The following NIPBL variants were observed in gnomAD, a reference collection of about 807,000 sequenced individuals.
The protein encoded by NIPBL is nipped-B-like protein.
NIPBL carries 19 observed loss-of-function variants against 321.8 expected under a neutral mutation model. The ratio of observed to expected loss-of-function variants is 0.06; its 90% CI spans 0.04 to 0.09. NIPBL has a LOEUF of 0.09. Among genes scored for constraint, NIPBL ranks in the 10% least tolerant of loss-of-function variants. NIPBL has a pLI of 1.00. For synonymous variants in NIPBL, 1,106 were observed against 1,114.1 expected (o/e 0.99, Z 0.14); for missense variants, 2,210 against 3,327.0 (o/e 0.66, Z 8.26).
At position 36,883,867 on chromosome 5, in the gene NIPBL, T is replaced by C. The variant is rs374457418; in HGVS notation, c.-80+6689T>C. ...AGTTGAAGTTTTACATGGTTTTAAG[T>C]TGGGCATAACTCCATTTATTATTTA... On this transcript the variant is annotated intron_variant, in intron 1 of 46. Transcript: ENST00000282516. Among the ~76,000 whole-genome samples the C allele has an allele frequency of 5.3e-5, 8 of 151,870 alleles. No homozygotes were observed. The East Asian group carries it at 7.7e-4, about 15-fold the overall frequency.
At chr5:36,972,574 C>A (rs1742980830) in intron 8 of NIPBL, among the ~76,000 whole-genome samples, 1 of 152,092 alleles carries the variant, frequency 6.6e-6, no homozygotes, top group Non-Finnish European at 1.5e-5. Context: ...GCATAAGACT[C>A]CTAAATCAAT....
At chr5:37,046,892 GT>G (rs1050986885) in intron 38 of NIPBL, among the ~76,000 whole-genome samples, 1 of 151,556 alleles carries the variant, frequency 6.6e-6, no homozygotes, top group African/African-American at 2.4e-5. Flanking sequence ...TTTTGTTGTT[GT>G]TTTTTTTGGT....
At position 36,985,873 on chromosome 5, in the gene NIPBL, G is replaced by T. The variant is rs1477006880; in HGVS notation, c.2693G>T (p.Gly898Val). The part of the protein sequence containing the change: ...SRPDSPRVKQ[G>V]DSNKSRSDKL... Reference sequence around the variant, plus strand: ...CCTGACAGTCCTCGTGTTAAACAAGGAGATTCTAATAAATCAAGATCTGAT... The same window carrying T: ...CCTGACAGTCCTCGTGTTAAACAAGTAGATTCTAATAAATCAAGATCTGAT... The change falls in exon 10 of 47, where the codon GGA becomes GTA. Residue 898 changes from glycine (G) to valine (V), a missense_variant. Gly to Val is a moderately radical substitution (Grantham distance 109, BLOSUM62 -3). Around this residue, in one of 14 missense-constraint regions of NIPBL, gnomAD observed 588 missense variants for 564.1 expected, o/e 1.04. Coordinates refer to ENST00000282516, the MANE Select transcript of NIPBL (RefSeq NM_133433.4). 6.2e-7 allele frequency: 1 copy of T among 1,613,890 alleles called. No homozygotes were observed. Among genetic ancestry groups the T allele is most frequent in the Admixed American group, 1.7e-5 (1 of 59,888 alleles).
chr5:37,044,852 GT>G, intron 36 of NIPBL, 123 bp downstream of exon 36: 7 of 722,452 alleles, frequency 9.7e-6, no homozygotes, highest in Non-Finnish European at 1.7e-5. Context: ...ATCCACCGTG[GT>G]CCTCTCAGAA....
intron 21 of NIPBL, among the ~76,000 whole-genome samples, chr5:37,014,482 A>C (rs1028408882): frequency 6.6e-6 from 1 of 152,050 alleles, no homozygotes; most frequent in African/African-American, 2.4e-5. Flanking sequence ...ATAACACTCT[A>C]TCTGTATTTT....
chr5:36,971,009 A>G lies in NIPBL; in HGVS notation c.744A>G (p.Leu248=). Residue 248 remains leucine, a synonymous_variant, in exon 7 of 47, where the codon CTA becomes CTG. Coordinates refer to ENST00000282516, the MANE Select transcript of NIPBL (RefSeq NM_133433.4). ...NPRHGSSEDY[L]HMVHRLSSDD... ...GACATGGTTCAAGTGAGGACTACCT[A>G]CACATGGTGCACAGGCTAAGTAGTG... The G allele has an allele frequency of 6.2e-7, 1 of 1,613,512 alleles. No homozygotes were observed. The highest frequency in any genetic ancestry group is 8.5e-7 in the Non-Finnish European group (1 of 1,179,444).
At chr5:37,046,264 G>A (rs775160677) in intron 38 of NIPBL, 65 bp downstream of exon 38, 51 of 897,616 alleles carry the variant, frequency 5.7e-5, no homozygotes, top group Non-Finnish European at 9.0e-5. Flanking sequence ...TTTAAATATT[G>A]TGAATCTAAA....
At chr5:37,004,941 A>G (rs1193516659) in intron 16 of NIPBL, among the ~76,000 whole-genome samples, 1 of 152,214 alleles carries the variant, frequency 6.6e-6, no homozygotes, top group African/African-American at 2.4e-5. Context: ...CAAAAGCCAC[A>G]GGATTGCTAG....
In NIPBL at chr5:37,020,572, G is replaced by C; in HGVS notation, c.5124G>C (p.Lys1708Asn). ...CATCTGAAGGAACACATCATGCAAAGGAAATTGAGACAACTGGCCAAATTA... is the reference window on the plus strand; with the variant it reads ...CATCTGAAGGAACACATCATGCAAACGAAATTGAGACAACTGGCCAAATTA... ...EESSEGTHHA[K>N]EIETTGQIMH... The change falls in exon 26 of 47, where the codon AAG becomes AAC. Residue 1708 changes from lysine to asparagine, a missense_variant. Physicochemically the swap from Lys to Asn is moderately conservative, Grantham distance 94. Around this residue, in one of 14 missense-constraint regions of NIPBL, gnomAD observed 138 missense variants for 175.8 expected, o/e 0.79. Coordinates refer to ENST00000282516, the MANE Select transcript of NIPBL (RefSeq NM_133433.4). The C allele has an allele frequency of 6.2e-7, 1 of 1,614,038 alleles. No individual in the cohort carries two copies. The highest frequency in any genetic ancestry group is 8.5e-7 in the Non-Finnish European group (1 of 1,179,962).
At chr5:37,018,507 C>T (rs1210445936) in intron 24 of NIPBL, among the ~76,000 whole-genome samples, 1 of 152,152 alleles carries the variant, frequency 6.6e-6, no homozygotes, top group Non-Finnish European at 1.5e-5. Flanking sequence ...ACCTTCCCTA[C>T]CCCTGCCCTG....
At chr5:36,929,564 A>G (rs1378992177) in intron 1 of NIPBL, among the ~76,000 whole-genome samples, 1 of 152,020 alleles carries the variant, frequency 6.6e-6, no homozygotes, top group Non-Finnish European at 1.5e-5. Flanking sequence ...AACTTTAATG[A>G]AATCCAGTTT....
intron 3 of NIPBL, 138 bp downstream of exon 3, chr5:36,955,775 A>G (rs1160729098): frequency 1.5e-6 from 1 of 682,444 alleles, no homozygotes; most frequent in Non-Finnish European, 2.6e-6. Flanking sequence ...GAGGGAGAAT[A>G]TAGTCTTATT....
Position 37,024,725 on chromosome 5 carries a change from GT to G in NIPBL, c.5709+8del. On this transcript the variant is annotated splice_region_variant and intron_variant, in intron 30 of 46. Transcript: ENST00000282516. ...ATGATGAAGAGGGCATTAAGGTAGTGTTGACTGTTTTAAATTTATTTTTCAT... is the reference window on the plus strand; with the variant it reads ...ATGATGAAGAGGGCATTAAGGTAGTGTGACTGTTTTAAATTTATTTTTCAT... 2 of 1,605,716 alleles carry G rather than the reference GT, an allele frequency of 1.2e-6. No homozygotes were observed. The highest frequency in any genetic ancestry group is 1.7e-6 in the Non-Finnish European group (2 of 1,175,282).
At chr5:37,016,253 CT>C in intron 23 of NIPBL, 83 bp downstream of exon 23, 1 of 1,370,902 alleles carries the variant, frequency 7.3e-7, no homozygotes, top group Non-Finnish European at 1.0e-6. Context: ...ATGATGAATT[CT>C]TTAAAAATGT....
chr5:37,019,030 G>A (rs1749321305), intron 24 of NIPBL, among the ~76,000 whole-genome samples: 1 of 152,104 alleles, frequency 6.6e-6, no homozygotes, highest in African/African-American at 2.4e-5. Flanking sequence ...TTGAACCCAG[G>A]AGGCAAAGAT....
At chr5:37,016,232 C>CT in intron 23 of NIPBL, 62 bp downstream of exon 23, 2 of 1,494,994 alleles carry the variant, frequency 1.3e-6, no homozygotes, top group South Asian at 2.3e-5. Flanking sequence ...AGGATGTACT[C>CT]TGATTCACAG....
chr5:36,966,342 T>C (rs1561088670), intron 6 of NIPBL, among the ~76,000 whole-genome samples: 2 of 152,118 alleles, frequency 1.3e-5, no homozygotes, highest in Non-Finnish European at 2.9e-5. Context: ...GCTGGTGTTG[T>C]TTAATTTGTT....
At chr5:37,015,808 A>G (rs1748915261) in intron 22 of NIPBL, among the ~76,000 whole-genome samples, 1 of 152,200 alleles carries the variant, frequency 6.6e-6, no homozygotes, top group African/African-American at 2.4e-5. Flanking sequence ...CACTTGCGAG[A>G]AAGTAGTATT....
intron 21 of NIPBL, among the ~76,000 whole-genome samples, chr5:37,013,189 C>G (rs1748416355): frequency 6.6e-6 from 1 of 150,598 alleles, no homozygotes; most frequent in Middle Eastern, 3.5e-3. Flanking sequence ...CCACCTCCCT[C>G]CCGGACGGGG....
Sources: gnomAD v4.1 joint callset for allele counts (sites outside exome capture counted in the v4.1 genomes callset) on GRCh38, gnomAD v4.1.1 for gene constraint, gnomAD v4.1.1 regional missense constraint, MANE v1.5 for transcripts, NCBI Gene and HGNC (gene_info 2026-07-23, HGNC 2026-07-21) for gene names.